ANKS3: variants seen among roughly 807,000 people sequenced by gnomAD.
The protein encoded by ANKS3 is ankyrin repeat and SAM domain-containing protein 3.
ANKS3 carries 62 observed loss-of-function variants against 80.7 expected under a neutral mutation model. The observed-to-expected ratio is 0.77, with a 90% CI of 0.63 to 0.95. The LOEUF (loss-of-function observed/expected upper bound fraction) is 0.95. Among genes scored for constraint, ANKS3 ranks in the 40% least tolerant of loss-of-function variants. The pLI, the probability that ANKS3 is intolerant of heterozygous loss-of-function variation, is 0.00. For missense variants in ANKS3, 1,150 were observed against 883.6 expected, an observed-to-expected ratio of 1.30 and a Z score of -3.82; for synonymous variants, 489 against 355.3, an observed-to-expected ratio of 1.38 and a Z score of -4.23.
chr16:4,701,913 G>A (rs913574843), intron 9 of ANKS3, 189 bp downstream of exon 9: 21 of 702,852 alleles, frequency 3.0e-5, no homozygotes, highest in East Asian at 9.2e-5. Context: ...CCCTTAAGCC[G>A]CACGGGGATG....
At chr16:4,719,294 T>G (rs1340840626) in intron 6 of ANKS3, among the ~76,000 whole-genome samples, 1 of 152,222 alleles carries the variant, frequency 6.6e-6, no homozygotes, top group East Asian at 1.9e-4. Flanking sequence ...ATCGCGCCAC[T>G]GTGCTCCAGC....
In ANKS3 at chr16:4,697,169, G is replaced by A. The variant is rs920608136; in HGVS notation, c.1895-65C>T. On this transcript the variant is annotated intron_variant, in intron 16 of 17. Transcript: ENST00000304283. ...AGGAGGGCTGGGTGGTGCTGCCCCG[G>A]GGTCTCAGCTGCAGGATGTGACCTG... The A allele has an allele frequency of 5.1e-6, 8 of 1,581,772 alleles. No homozygotes were observed. In the African/African-American group the frequency reaches 1.1e-4, roughly 21 times the overall value.
At chr16:4,713,783 G>A (rs779372554) in intron 7 of ANKS3, among the ~76,000 whole-genome samples, 1 of 152,112 alleles carries the variant, frequency 6.6e-6, no homozygotes, top group Non-Finnish European at 1.5e-5. Context: ...AAACTAAGAG[G>A]GGCCTGCCCC....
At position 4,721,933 on chromosome 16, in the gene ANKS3, G is replaced by C. The variant is rs1054619680; in HGVS notation, c.573+2817C>G. Among the ~76,000 whole-genome samples the C allele has an allele frequency of 2.0e-5, 3 of 151,282 alleles. No homozygotes were observed. The Admixed American group carries it at 2.0e-4, about 10-fold the overall frequency. ...TTACAGGAGCGAGACAATGCACCTG[G>C]CCCCGTCTCTTTATACACCAATATA... On this transcript the variant is annotated intron_variant, in intron 6 of 17. Transcript: ENST00000304283.
At chr16:4,727,536 G>A in intron 3 of ANKS3, 1 of 349,338 alleles carries the variant, frequency 2.9e-6, no homozygotes. Flanking sequence ...GCTGCTGGAG[G>A]CCAAGGCTGC....
chr16:4,713,994 C>T (rs2080637977), intron 7 of ANKS3, 57 bp downstream of exon 7: 4 of 1,594,384 alleles, frequency 2.5e-6, no homozygotes, highest in Non-Finnish European at 3.4e-6. Flanking sequence ...TGCCAGGTCA[C>T]CTAAAGCTCA....
intron 15 of ANKS3, 62 bp downstream of exon 15, chr16:4,697,915 C>T: frequency 1.4e-6 from 2 of 1,410,076 alleles, no homozygotes; most frequent in East Asian, 2.6e-5. Context: ...TGGGTCAAAC[C>T]TGGCTTCAGG....
intron 8 of ANKS3, among the ~76,000 whole-genome samples, chr16:4,703,818 C>T (rs914235163): frequency 6.6e-6 from 1 of 152,218 alleles, no homozygotes; most frequent in East Asian, 1.9e-4. Context: ...CCTGAGACCA[C>T]CACCATGATT....
chr16:4,712,678 T>G (rs2080559773), intron 7 of ANKS3, among the ~76,000 whole-genome samples: 1 of 152,140 alleles, frequency 6.6e-6, no homozygotes, highest in Non-Finnish European at 1.5e-5. Flanking sequence ...TAAGCTAAAA[T>G]AACATATGCC....
At chr16:4,706,169 T>C (rs1412391334) in intron 7 of ANKS3, among the ~76,000 whole-genome samples, 1 of 152,108 alleles carries the variant, frequency 6.6e-6, no homozygotes, top group Non-Finnish European at 1.5e-5. Context: ...GCTGGGATTA[T>C]AGGCACGTTA....
chr16:4,726,896 C>T (rs547287104), intron 4 of ANKS3, 83 bp downstream of exon 4: 41 of 1,602,622 alleles, frequency 2.6e-5, no homozygotes, highest in Admixed American at 8.4e-5. Flanking sequence ...ACACGAACAC[C>T]GTGGCCTGCA....
At position 4,698,018 on chromosome 16, in the gene ANKS3, G is replaced by T. The variant is rs370919758; in HGVS notation, c.1769C>A (p.Pro590His). The change falls in exon 15 of 18, where the codon CCC becomes CAC. Residue 590 changes from proline to histidine, a missense_variant. By Grantham distance (77) the Pro-to-His change is moderately conservative. Transcript: ENST00000304283. ...TAGGCCCAGAGTGGCTGCACCAGGG[G>T]GCTGGTCCTGCCTCACTCGAGATGA... Reference protein sequence around the residue: ...ELSSRVRQDQPPGAATLGLAV... With the variant: ...ELSSRVRQDQHPGAATLGLAV... The T allele has an allele frequency of 1.2e-6, 2 of 1,608,284 alleles. No individual in the cohort carries two copies. Among genetic ancestry groups the T allele is most frequent in the South Asian group, 2.2e-5 (2 of 90,104 alleles).
At position 4,698,795 on chromosome 16, in the gene ANKS3, C is replaced by T. The variant is rs368795236; in HGVS notation, c.1551+5G>A. On this transcript the variant is annotated splice_donor_5th_base_variant and intron_variant, in intron 13 of 17. Transcript: ENST00000304283. The stretch of plus-strand genomic sequence containing the variant: ...TGCCCCCCCATCCCCCACCCAGCCA[C>T]TCACCTTGTGCAGCTGGATGGCGAG... The T allele has an allele frequency of 2.5e-6, 4 of 1,603,032 alleles. No individual in the cohort carries two copies. The highest frequency in any genetic ancestry group is 3.4e-6 in the Non-Finnish European group (4 of 1,175,084).
At chr16:4,714,834 A>T (rs1056574234) in intron 6 of ANKS3, among the ~76,000 whole-genome samples, 1 of 151,938 alleles carries the variant, frequency 6.6e-6, no homozygotes, top group Admixed American at 6.6e-5. Context: ...TCTACTAAAA[A>T]TACAAAAATT....
intron 3 of ANKS3, among the ~76,000 whole-genome samples, chr16:4,728,983 G>C (rs115689039): frequency 3.3e-4 from 50 of 152,300 alleles, no homozygotes; most frequent in African/African-American, 1.2e-3. Context: ...TGGCTCACTG[G>C]GAACTGGAAG....
intron 6 of ANKS3, 154 bp from the exon 7 acceptor site, chr16:4,714,340 G>C: frequency 8.8e-7 from 1 of 1,141,518 alleles, no homozygotes; most frequent in Non-Finnish European, 1.2e-6. Context: ...AGGCAGGCTT[G>C]TCTGCACCGC....
In ANKS3 at chr16:4,722,875, G is replaced by A. The variant is rs150130618; in HGVS notation, c.573+1875C>T. 1.2e-3 allele frequency among the ~76,000 whole-genome samples: 184 copies of A among 150,136 alleles called. 1 individual carries two copies. The highest frequency in any genetic ancestry group is 4.0e-3 in the African/African-American group (165 of 40,754). Reference sequence around the variant, plus strand: ...AGAGGTTGCAGTGAGCCGAGATCACGCCACTGCACTCCAGCCTTCCAGCCT... The same window carrying A: ...AGAGGTTGCAGTGAGCCGAGATCACACCACTGCACTCCAGCCTTCCAGCCT... On this transcript the variant is annotated intron_variant, in intron 6 of 17. Transcript: ENST00000304283.
rs144928887 is a variant in ANKS3 at position 4,701,024 on chromosome 16, G to T, written c.1230C>A (p.Gly410=). 1 of 1,614,082 alleles carries T rather than the reference G, an allele frequency of 6.2e-7. No individual in the cohort carries two copies. Among genetic ancestry groups the T allele is most frequent in the Non-Finnish European group, 8.5e-7 (1 of 1,180,008 alleles). Residue 410 remains glycine (G), a synonymous_variant, in exon 11 of 18, where the codon GGC becomes GGA. Coordinates refer to ENST00000304283, the MANE Select transcript of ANKS3 (RefSeq NM_133450.4). ...WPPRAATDRE[G]FLAESSPQTQ... ...TCTGGGGGCTGGACTCAGCGAGAAA[G>T]CCTTCCCTGTCAGTTGCAGCGCGGG...
chr16:4,724,408 G>T (rs1460699920), intron 6 of ANKS3, among the ~76,000 whole-genome samples: 1 of 152,200 alleles, frequency 6.6e-6, no homozygotes, highest in African/African-American at 2.4e-5. Flanking sequence ...GTGGGCATCA[G>T]GGAGGTTGAA....
Sources: allele counts gnomAD v4.1 joint callset (sites outside exome capture counted in the v4.1 genomes callset), GRCh38; gene constraint gnomAD v4.1.1; transcripts MANE v1.5; gene names NCBI Gene and HGNC (gene_info 2026-07-23, HGNC 2026-07-21).